The following CCDC178 variants were observed in gnomAD, a reference collection of about 807,000 sequenced individuals.
The protein encoded by CCDC178 is coiled-coil domain-containing protein 178.
A neutral mutation model predicts 117.4 loss-of-function variants in CCDC178; 126 were observed. That is an observed-to-expected ratio of 1.07 (90% CI 0.93 to 1.24). The LOEUF is 1.24. CCDC178 is among the 50% of genes most tolerant of loss of function. CCDC178 has a pLI of 0.00. For synonymous variants in CCDC178, 283 were observed against 313.4 expected, an observed-to-expected ratio of 0.90 and a Z score of 1.02; for missense variants, 1,030 against 986.9, an observed-to-expected ratio of 1.04 and a Z score of -0.59.
chr18:33,348,131 G>T (rs1228521119), intron 8 of CCDC178, among the ~76,000 whole-genome samples: 1 of 151,774 alleles, frequency 6.6e-6, no homozygotes, highest in Non-Finnish European at 1.5e-5. Context: ...TTCACTATAG[G>T]CACAAATAAT....
chr18:33,384,070 T>G (rs2063468127), intron 5 of CCDC178, among the ~76,000 whole-genome samples: 3 of 151,844 alleles, frequency 2.0e-5, no homozygotes, highest in Admixed American at 2.0e-4. Flanking sequence ...GATGCAAACG[T>G]AAGTATCAAT....
intron 3 of CCDC178, among the ~76,000 whole-genome samples, chr18:33,397,806 A>G (rs1401444070): frequency 2.6e-5 from 4 of 152,150 alleles, no homozygotes; most frequent in Non-Finnish European, 5.9e-5. Context: ...CCAATGACCT[A>G]AAAATATACC....
intron 20 of CCDC178, among the ~76,000 whole-genome samples, chr18:33,098,423 T>A (rs2057575286): frequency 6.6e-6 from 1 of 152,074 alleles, no homozygotes. Context: ...GACCCAGTTC[T>A]AACTCTACTC....
At chr18:33,291,034 GA>G (rs1362648361) in intron 12 of CCDC178, among the ~76,000 whole-genome samples, 1 of 152,052 alleles carries the variant, frequency 6.6e-6, no homozygotes, top group Non-Finnish European at 1.5e-5. Flanking sequence ...TTTGTAAATA[GA>G]AGGCAGAGCG....
At chr18:33,077,864 G>A (rs1229491230) in intron 21 of CCDC178, among the ~76,000 whole-genome samples, 1 of 152,104 alleles carries the variant, frequency 6.6e-6, no homozygotes, top group African/African-American at 2.4e-5. Flanking sequence ...AGGAAGAGCT[G>A]GTATCATACC....
chr18:33,020,115 GGT>G (rs1567936430), intron 21 of CCDC178, among the ~76,000 whole-genome samples: 1 of 142,162 alleles, frequency 7.0e-6, no homozygotes. Flanking sequence ...CCGGATAATT[GGT>G]TTTTTTTTTT....
chr18:33,196,020 T>C (rs2058925834), intron 20 of CCDC178, among the ~76,000 whole-genome samples: 3 of 152,222 alleles, frequency 2.0e-5, no homozygotes, highest in South Asian at 4.1e-4. Flanking sequence ...CTCTGGAATG[T>C]CTTTACTTGT....
chr18:33,333,042 T>C (rs1045507282), intron 10 of CCDC178, 132 bp downstream of exon 10: 5 of 541,516 alleles, frequency 9.2e-6, no homozygotes, highest in Non-Finnish European at 1.3e-5. Context: ...TGGTAATGTG[T>C]AGAGATAAAG....
chr18:33,129,265 G>A (rs962548488), intron 20 of CCDC178, among the ~76,000 whole-genome samples: 1 of 152,044 alleles, frequency 6.6e-6, no homozygotes, highest in African/African-American at 2.4e-5. Context: ...ATACTGTTGA[G>A]TGCAAGACAC....
intron 11 of CCDC178, among the ~76,000 whole-genome samples, chr18:33,311,911 A>AC (rs2062349034): frequency 1.3e-5 from 2 of 152,210 alleles, no homozygotes; most frequent in Admixed American, 6.5e-5. Flanking sequence ...AGTGTGAAGG[A>AC]AGACAAAAGA....
At chr18:33,402,461 G>A (rs1405446901) in intron 3 of CCDC178, among the ~76,000 whole-genome samples, 1 of 152,118 alleles carries the variant, frequency 6.6e-6, no homozygotes, top group Non-Finnish European at 1.5e-5. Flanking sequence ...GAAGAGAGTT[G>A]CAGTTTTTTG....
chr18:33,365,966 T>C (rs1252609613), intron 6 of CCDC178, among the ~76,000 whole-genome samples: 3 of 151,460 alleles, frequency 2.0e-5, no homozygotes, highest in African/African-American at 4.9e-5. Context: ...CTCTGAAGAG[T>C]TTTTCAGTGG....
intron 5 of CCDC178, among the ~76,000 whole-genome samples, chr18:33,379,732 A>G (rs1046341056): frequency 3.3e-5 from 5 of 152,162 alleles, no homozygotes; most frequent in African/African-American, 9.7e-5. Flanking sequence ...CTGCCTTTGC[A>G]TGGAGCAAAG....
At chr18:33,196,679 A>C (rs1446386215) in intron 20 of CCDC178, among the ~76,000 whole-genome samples, 1 of 152,054 alleles carries the variant, frequency 6.6e-6, no homozygotes, top group Non-Finnish European at 1.5e-5. Flanking sequence ...TGAGCATACG[A>C]ATATCTTTAA....
intron 20 of CCDC178, among the ~76,000 whole-genome samples, chr18:33,185,166 G>A (rs1598974421): frequency 1.3e-5 from 2 of 151,916 alleles, no homozygotes; most frequent in South Asian, 4.2e-4. Context: ...TTTGAGAGAA[G>A]GTCGGGAAAG....
intron 21 of CCDC178, among the ~76,000 whole-genome samples, chr18:33,041,115 A>G (rs1341572211): frequency 6.6e-6 from 1 of 151,880 alleles, no homozygotes; most frequent in African/African-American, 2.4e-5. Flanking sequence ...TTTAGTAACT[A>G]TTGTTTACCA....
At chr18:33,328,082 G>GTTTTTTTTTTGT (rs2062609334) in intron 10 of CCDC178, 1 of 242,036 alleles carries the variant, frequency 4.1e-6, no homozygotes, top group African/African-American at 3.3e-5. Flanking sequence ...TTTATCCCTA[G>GTTTTTTTTTTGT]ATTTTTTTTT....
chr18:33,333,958 A>T (rs552344459), intron 9 of CCDC178, among the ~76,000 whole-genome samples: 1 of 152,196 alleles, frequency 6.6e-6, no homozygotes, highest in Non-Finnish European at 1.5e-5. Flanking sequence ...GTATATTCTG[A>T]CCATTCTATA....
chr18:33,288,729 C>A (rs991326311), intron 12 of CCDC178, among the ~76,000 whole-genome samples: 1 of 152,006 alleles, frequency 6.6e-6, no homozygotes, highest in Admixed American at 6.6e-5. Flanking sequence ...ATGGTTTCAC[C>A]AAGGATTTTC....
Sources: allele counts gnomAD v4.1 joint callset (sites outside exome capture counted in the v4.1 genomes callset), GRCh38; gene constraint gnomAD v4.1.1; transcripts MANE v1.5; gene names NCBI Gene and HGNC (gene_info 2026-07-23, HGNC 2026-07-21).